The following CA10 variants were observed in gnomAD, a reference collection of about 807,000 sequenced individuals.
CA10 encodes carbonic anhydrase 10 (inactive), also known as carbonic anhydrase-related protein 10.
In CA10, 14 loss-of-function variants were observed where a neutral mutation model predicts 44.2. That is an observed-to-expected ratio of 0.32 (90% CI 0.21 to 0.50). The LOEUF is 0.50. Among genes scored for constraint, CA10 ranks in the 20% least tolerant of loss-of-function variants. The pLI is 0.99. For missense variants in CA10, 350 were observed against 409.7 expected (o/e 0.85, Z 1.26); for synonymous variants, 159 against 141.6 (o/e 1.12, Z -0.87).
intron 2 of CA10, among the ~76,000 whole-genome samples, chr17:51,967,380 C>A (rs910371854): frequency 6.6e-6 from 1 of 151,220 alleles, no homozygotes. Context: ...CAAAAAGACA[C>A]ATGCACTTGT....
At chr17:51,669,326 A>ATC (rs2143342489) in intron 4 of CA10, among the ~76,000 whole-genome samples, 1 of 152,228 alleles carries the variant, frequency 6.6e-6, no homozygotes, top group African/African-American at 2.4e-5. Context: ...TGTCTAGCTA[A>ATC]TCTAGTGGGG....
At chr17:51,734,728 T>G (rs1338435374) in intron 4 of CA10, among the ~76,000 whole-genome samples, 1 of 152,190 alleles carries the variant, frequency 6.6e-6, no homozygotes, top group African/African-American at 2.4e-5. Context: ...TTCTCCACAA[T>G]TAAGTGTGGT....
chr17:51,855,498 C>A (rs1301943240), intron 3 of CA10, among the ~76,000 whole-genome samples: 1 of 152,112 alleles, frequency 6.6e-6, no homozygotes, highest in South Asian at 2.1e-4. Flanking sequence ...ACTCAAAAAG[C>A]ATTTGAGATC....
chr17:51,947,986 C>A (rs1983348179), intron 2 of CA10, among the ~76,000 whole-genome samples: 1 of 152,076 alleles, frequency 6.6e-6, no homozygotes, highest in Non-Finnish European at 1.5e-5. Context: ...TATCTAGATT[C>A]ATTCTTGGGG....
At chr17:51,648,054 G>A (rs1222600568) in intron 6 of CA10, among the ~76,000 whole-genome samples, 1 of 152,188 alleles carries the variant, frequency 6.6e-6, no homozygotes, top group Non-Finnish European at 1.5e-5. Flanking sequence ...CTGGAGCTTC[G>A]CTTGGTGCCT....
chr17:52,109,049 T>C (rs567082143), intron 1 of CA10, among the ~76,000 whole-genome samples: 16 of 152,206 alleles, frequency 1.1e-4, no homozygotes, highest in African/African-American at 3.6e-4. Context: ...GGTTCATGGA[T>C]TGGAGGACTC....
At chr17:51,694,162 C>G (rs1326162198) in intron 4 of CA10, among the ~76,000 whole-genome samples, 1 of 151,822 alleles carries the variant, frequency 6.6e-6, no homozygotes, top group African/African-American at 2.4e-5. Context: ...TGAGATCATG[C>G]CATTGCACTC....
intron 2 of CA10, among the ~76,000 whole-genome samples, chr17:51,979,055 T>C (rs1984560211): frequency 6.6e-6 from 1 of 152,110 alleles, no homozygotes; most frequent in Non-Finnish European, 1.5e-5. Flanking sequence ...TGGGTGACTT[T>C]GCATGGCCCT....
intron 1 of CA10, among the ~76,000 whole-genome samples, chr17:52,143,389 T>C (rs1183679523): frequency 6.6e-6 from 1 of 152,216 alleles, no homozygotes; most frequent in Non-Finnish European, 1.5e-5. Flanking sequence ...AGAATATTAA[T>C]AATAGTTGTA....
At chr17:51,829,627 T>C (rs546896156) in intron 3 of CA10, among the ~76,000 whole-genome samples, 1 of 152,340 alleles carries the variant, frequency 6.6e-6, no homozygotes, top group African/African-American at 2.4e-5. Flanking sequence ...ACCTAGTATA[T>C]GCCAGGCATG....
At chr17:51,868,509 T>C (rs1979652170) in intron 3 of CA10, among the ~76,000 whole-genome samples, 1 of 152,198 alleles carries the variant, frequency 6.6e-6, no homozygotes, top group Non-Finnish European at 1.5e-5. Flanking sequence ...GACCTTATTT[T>C]ACACTACCAA....
rs74717014 is a variant in CA10 at position 51,702,303 on chromosome 17, C to A, written c.465+45330G>T. 6.8e-3 allele frequency among the ~76,000 whole-genome samples: 1,040 copies of A among 152,144 alleles called. 14 individuals are homozygous for A. The highest frequency in any genetic ancestry group is 0.024 in the African/African-American group (1,003 of 41,496). ...TTGCTGTGACTACTCAGCTAGCTGG[C>A]GGTAGACCCAGATTCAGATCCAGCA... On this transcript the variant is annotated intron_variant, in intron 4 of 8. Coordinates refer to ENST00000451037, the MANE Select transcript of CA10 (RefSeq NM_020178.5).
chr17:51,756,316 G>A (rs1905076926), intron 3 of CA10, among the ~76,000 whole-genome samples: 1 of 152,212 alleles, frequency 6.6e-6, no homozygotes, highest in South Asian at 2.1e-4. Flanking sequence ...AGCTCAAAGG[G>A]GTTAAAGGAT....
intron 2 of CA10, among the ~76,000 whole-genome samples, chr17:52,002,776 C>T (rs1413159399): frequency 1.3e-5 from 2 of 151,878 alleles, no homozygotes; most frequent in Non-Finnish European, 1.5e-5. Flanking sequence ...TTTCCACATT[C>T]CCTCATATAA....
chr17:51,831,716 A>AGCG (rs1418205699), intron 3 of CA10, among the ~76,000 whole-genome samples: 3 of 111,270 alleles, frequency 2.7e-5, no homozygotes, highest in Admixed American at 9.1e-5. Flanking sequence ...CAGCAGCAGC[A>AGCG]GCAGCAGCAG....
chr17:51,865,909 C>T (rs977469078), intron 3 of CA10, among the ~76,000 whole-genome samples: 2 of 152,210 alleles, frequency 1.3e-5, no homozygotes, highest in African/African-American at 4.8e-5. Flanking sequence ...CACGTTGATT[C>T]TGTAAGATGG....
intron 2 of CA10, among the ~76,000 whole-genome samples, chr17:52,029,042 A>C (rs562678236): frequency 6.6e-6 from 1 of 152,296 alleles, no homozygotes; most frequent in East Asian, 1.9e-4. Context: ...AATTCCTTTG[A>C]GGGTGCTATC....
intron 2 of CA10, among the ~76,000 whole-genome samples, chr17:52,014,838 T>C (rs148428542): frequency 4.5e-4 from 69 of 152,114 alleles, no homozygotes; most frequent in African/African-American, 1.6e-3. Context: ...TTCAGAGAAA[T>C]GCGTATTTGA....
At chr17:51,904,677 T>C (rs1981465235) in intron 3 of CA10, among the ~76,000 whole-genome samples, 1 of 152,170 alleles carries the variant, frequency 6.6e-6, no homozygotes, top group Non-Finnish European at 1.5e-5. Flanking sequence ...TTTGTTTATA[T>C]ATTAAGTTCA....
Sources: gnomAD v4.1 joint callset for allele counts (sites outside exome capture counted in the v4.1 genomes callset) on GRCh38, gnomAD v4.1.1 for gene constraint, MANE v1.5 for transcripts, NCBI Gene and HGNC (gene_info 2026-07-23, HGNC 2026-07-21) for gene names.